Variants in CARS2 observed in about 807,000 individuals in gnomAD.
CARS2 encodes probable cysteine--tRNA ligase, mitochondrial.
Under a neutral mutation model 68.8 loss-of-function variants are expected in CARS2, and 52 were observed. The observed-to-expected ratio is 0.76, with a 90% CI of 0.61 to 0.95. CARS2 has a LOEUF of 0.95. Ranked by LOEUF, CARS2 falls within the 40% of genes least tolerant of loss-of-function variation. CARS2 has a pLI of 0.00. For synonymous variants in CARS2, 314 were observed against 303.6 expected, an observed-to-expected ratio of 1.03 and a Z score of -0.36; for missense variants, 780 against 754.2, an observed-to-expected ratio of 1.03 and a Z score of -0.40.
intron 11 of CARS2, chr13:110,646,657 C>T (rs1234289117): frequency 6.0e-6 from 1 of 167,014 alleles, no homozygotes; most frequent in Non-Finnish European, 1.3e-5. Context: ...ATTTTGGCTC[C>T]TCACAGTCAG....
intron 6 of CARS2, among the ~76,000 whole-genome samples, chr13:110,680,209 C>T (rs1374804441): frequency 2.0e-5 from 3 of 149,636 alleles, no homozygotes; most frequent in African/African-American, 7.4e-5. Context: ...CTGGCCAACA[C>T]GGCAAAACCC....
rs753363384 is a variant in CARS2 at position 110,683,094 on chromosome 13, A to T, written c.612T>A (p.Tyr204Ter). 6.2e-7 allele frequency: 1 copy of T among 1,603,116 alleles called. No homozygotes were observed. The highest frequency in any genetic ancestry group is 1.7e-5 in the Admixed American group (1 of 58,184). ...CAGGGACCACGCCGACCAATTTGCC[A>T]TACTTGTCTCCTCTAGACTTCAGAT... ...YFDLKSRGDK[Y>*]GKLVGVVPGP... Residue 204 changes from tyrosine (Y) to a stop codon, truncating the protein, a stop_gained, in exon 6 of 15, where the codon TAT becomes TAA. Transcript: ENST00000257347. LOFTEE classifies it high-confidence loss of function.
At chr13:110,651,690 A>G (rs1351795678) in intron 9 of CARS2, among the ~76,000 whole-genome samples, 1 of 152,154 alleles carries the variant, frequency 6.6e-6, no homozygotes, top group Admixed American at 6.5e-5. Flanking sequence ...CCTAAGTAAA[A>G]CTCAGAACCC....
At chr13:110,710,590 T>G (rs192375276), upstream of CARS2, among the ~76,000 whole-genome samples, 8 of 152,352 alleles carry the variant, frequency 5.3e-5, no homozygotes, top group East Asian at 1.5e-3. Flanking sequence ...GAGACAAGAT[T>G]CTTCAACGTA....
intron 1 of CARS2, chr13:110,712,901 A>G: frequency 6.6e-7 from 1 of 1,521,384 alleles, no homozygotes. Flanking sequence ...AGACGACACA[A>G]AGGGAGGGCG....
chr13:110,672,956 G>GA (rs2062840946), intron 7 of CARS2, among the ~76,000 whole-genome samples: 1 of 152,150 alleles, frequency 6.6e-6, no homozygotes, highest in Non-Finnish European at 1.5e-5. Flanking sequence ...AAATAAACTA[G>GA]AAAATCTAGA....
chr13:110,667,154 A>G lies in CARS2; in HGVS notation c.919+186T>C, dbSNP rs116995700. On this transcript the variant is annotated intron_variant, in intron 8 of 14. Coordinates refer to ENST00000257347, the MANE Select transcript of CARS2 (RefSeq NM_024537.4). The stretch of plus-strand genomic sequence containing the variant: ...ATTCTAGTCAGTTCCAAAAAGGTAT[A>G]ATCATTGCTGCAATCCAAGGAAGCT... Among the ~76,000 whole-genome samples, 495 of 152,360 alleles carry G rather than the reference A, an allele frequency of 3.2e-3. 1 individual carries two copies. The highest frequency in any genetic ancestry group is 6.0e-3 in the Non-Finnish European group (406 of 68,036).
chr13:110,692,877 C>G (rs2063511804), intron 3 of CARS2, among the ~76,000 whole-genome samples: 1 of 151,844 alleles, frequency 6.6e-6, no homozygotes. Flanking sequence ...TTTGGGAGGA[C>G]AAGGTGGGCA....
chr13:110,645,688 G>A (rs527533455), intron 12 of CARS2: 1 of 376,998 alleles, frequency 2.7e-6, no homozygotes. Context: ...GGGGACATGA[G>A]ATGTGTCCCC....
In CARS2 at chr13:110,705,695, T is replaced by C; in HGVS notation, c.225-124A>G. On this transcript the variant is annotated intron_variant, in intron 1 of 14. Coordinates refer to ENST00000257347, the MANE Select transcript of CARS2 (RefSeq NM_024537.4). The surrounding 1 kb of genome is among the most constrained non-coding windows in gnomAD (Gnocchi z 4.0). ...TCTGGGGGATGAATAGCCGGGGTTTTCATACTTGCTCAATTCACACCCAAA... is the reference window on the plus strand; with the variant it reads ...TCTGGGGGATGAATAGCCGGGGTTTCCATACTTGCTCAATTCACACCCAAA... 2.0e-6 allele frequency: 3 copies of C among 1,501,668 alleles called. No homozygotes were observed. Among genetic ancestry groups the C allele is most frequent in the Non-Finnish European group, 2.7e-6 (3 of 1,104,452 alleles). The allele number at this position is 1,501,668 out of a possible 1,614,324, so 93.0% of individuals were successfully genotyped here.
chr13:110,674,039 C>T (rs1281999341), intron 7 of CARS2, among the ~76,000 whole-genome samples: 1 of 152,100 alleles, frequency 6.6e-6, no homozygotes, highest in Non-Finnish European at 1.5e-5. Context: ...AACTACAAAC[C>T]ACTGCTCAAT....
At position 110,665,411 on chromosome 13, in the gene CARS2, A is replaced by T; in HGVS notation, c.920-1893T>A. The T allele has an allele frequency of 2.1e-6, 2 of 968,946 alleles. No individual in the cohort carries two copies. Among genetic ancestry groups the T allele is most frequent in the South Asian group, 9.5e-5 (2 of 20,948 alleles). The allele number at this position is 968,946 out of a possible 1,614,324, so 60.0% of individuals were successfully genotyped here. A position where few individuals can be genotyped will look rare whatever the true frequency, so the allele number is the denominator to read the frequency against. ...CGGTGAGCTCAGATAGTGCCACTGC[A>T]CTCCCAGGCTGGGGGACGGAGCGAA... On this transcript the variant is annotated intron_variant, in intron 8 of 14. Transcript: ENST00000257347. This position sits in a 1 kb window ranked among gnomAD's most constrained non-coding sequence, Gnocchi z 4.3.
At chr13:110,646,604 G>T (rs930380160) in intron 11 of CARS2, 1 of 162,872 alleles carries the variant, frequency 6.1e-6, no homozygotes, top group African/African-American at 2.4e-5. Flanking sequence ...CGTGGGTGGG[G>T]AGTGGAGGCG....
At chr13:110,700,544 CAGG>C (rs1293097046) in intron 3 of CARS2, among the ~76,000 whole-genome samples, 3 of 152,198 alleles carry the variant, frequency 2.0e-5, no homozygotes, top group African/African-American at 4.8e-5. Flanking sequence ...AGGGTGGCTG[CAGG>C]AGATCTTTGT....
At chr13:110,679,936 A>G (rs1375572967) in intron 6 of CARS2, among the ~76,000 whole-genome samples, 1 of 152,214 alleles carries the variant, frequency 6.6e-6, no homozygotes, top group Non-Finnish European at 1.5e-5. Context: ...AGCTCTCAGC[A>G]ACGGAAGAAC....
In CARS2 at chr13:110,698,831, G is replaced by A. The variant is rs143907725; in HGVS notation, c.393+2607C>T. Among the ~76,000 whole-genome samples, 428 of 152,038 alleles carry A rather than the reference G, an allele frequency of 2.8e-3. 1 individual carries two copies. Among genetic ancestry groups the A allele is most frequent in the African/African-American group, 9.8e-3 (408 of 41,496 alleles). ...CCAGCCTGGGCAACATAGTGAAACCGCATCTCTACTAAAAATAGAAAAAAG... is the reference window on the plus strand; with the variant it reads ...CCAGCCTGGGCAACATAGTGAAACCACATCTCTACTAAAAATAGAAAAAAG... On this transcript the variant is annotated intron_variant, in intron 3 of 14. Coordinates refer to ENST00000257347, the MANE Select transcript of CARS2 (RefSeq NM_024537.4).
intron 13 of CARS2, chr13:110,644,081 G>A: frequency 3.1e-6 from 4 of 1,300,682 alleles, no homozygotes; most frequent in African/African-American, 1.5e-5. Flanking sequence ...TGTGACTTCT[G>A]CACATTCTGA....
At chr13:110,680,367 TG>T (rs758944314) in intron 6 of CARS2, among the ~76,000 whole-genome samples, 2 of 152,136 alleles carry the variant, frequency 1.3e-5, no homozygotes, top group Non-Finnish European at 2.9e-5. Flanking sequence ...CACTCCAGCC[TG>T]GGCAAAAGAG....
intron 9 of CARS2, among the ~76,000 whole-genome samples, chr13:110,655,481 T>C (rs1279822219): frequency 6.6e-6 from 1 of 152,174 alleles, no homozygotes; most frequent in Admixed American, 6.5e-5. Flanking sequence ...GAAAACCGAC[T>C]GAGGCCAAGA....
Sources: gnomAD v4.1 joint callset for allele counts (sites outside exome capture counted in the v4.1 genomes callset) on GRCh38, gnomAD v4.1.1 for gene constraint, Gnocchi (gnomAD v3.1) non-coding constraint, MANE v1.5 for transcripts, NCBI Gene and HGNC (gene_info 2026-07-23, HGNC 2026-07-21) for gene names.